Variants in ADH1C observed in about 807,000 individuals in gnomAD.
The protein encoded by ADH1C is alcohol dehydrogenase 1C (class I), gamma polypeptide.
A neutral mutation model predicts 35.0 loss-of-function variants in ADH1C; 26 were observed. The ratio of observed to expected loss-of-function variants is 0.74; its 90% CI spans 0.54 to 1.03. The LOEUF is 1.03. ADH1C is among the 50% of genes least tolerant of loss of function. The pLI, the probability that ADH1C is intolerant of heterozygous loss-of-function variation, is 0.00. For synonymous variants in ADH1C, 170 were observed against 169.3 expected (o/e 1.00, Z -0.03); for missense variants, 413 against 465.4 (o/e 0.89, Z 1.04).
chr4:99,348,000 T>A (rs1472280325), intron 1 of ADH1C, among the ~76,000 whole-genome samples, 154 bp from the exon 2 acceptor site: 3 of 152,188 alleles, frequency 2.0e-5, no homozygotes, highest in Admixed American at 2.0e-4. Flanking sequence ...ATAAAGAGAA[T>A]AAGAGTATCT....
chr4:99,344,865 G>T lies in ADH1C; in HGVS notation c.564C>A (p.Ala188=), dbSNP rs745776463. ...TATCATCCATTGTCATTTCTACCTT[G>T]GCAACTTTGACTGCAGACCCATAAC... ...STGYGSAVKV[A]KVTPGSTCAV... The change falls in exon 5 of 9, where the codon GCC becomes GCA. Residue 188 remains alanine, a synonymous_variant. Transcript: ENST00000515683. 2 of 1,613,964 alleles carry T rather than the reference G, an allele frequency of 1.2e-6. No homozygotes were observed. The highest frequency in any genetic ancestry group is 3.3e-5 in the Admixed American group (2 of 60,012).
At chr4:99,351,025 C>G (rs1256850310) in intron 1 of ADH1C, 3 of 152,154 alleles carry the variant, frequency 2.0e-5, no homozygotes, top group Admixed American at 2.0e-4. Flanking sequence ...GTAAACTCAG[C>G]TACTTGTGAG....
chr4:99,349,680 C>T (rs1734629433), intron 1 of ADH1C, among the ~76,000 whole-genome samples: 1 of 152,156 alleles, frequency 6.6e-6, no homozygotes, highest in Admixed American at 6.6e-5. Flanking sequence ...TTGTCTCAAA[C>T]ACCCATTTGA....
chr4:99,342,687 C>T, intron 6 of ADH1C, 108 bp downstream of exon 6: 1 of 1,506,058 alleles, frequency 6.6e-7, no homozygotes, highest in Non-Finnish European at 9.0e-7. Context: ...CGGGAAATTT[C>T]CATTCATCAT....
intron 4 of ADH1C, 26 bp downstream of exon 4, chr4:99,345,153 G>C (rs1734501948): frequency 6.2e-7 from 1 of 1,613,712 alleles, no homozygotes; most frequent in Non-Finnish European, 8.5e-7. Context: ...CTCAAAGTCT[G>C]TGCAAAGAAA....
chr4:99,352,128 T>A (rs1422295563), intron 1 of ADH1C, among the ~76,000 whole-genome samples: 1 of 152,210 alleles, frequency 6.6e-6, no homozygotes, highest in South Asian at 2.1e-4. Context: ...GTGAGATCAA[T>A]GAGTATTTTG....
intron 1 of ADH1C, among the ~76,000 whole-genome samples, chr4:99,350,269 T>G (rs747112659): frequency 2.7e-5 from 4 of 150,612 alleles, no homozygotes; most frequent in Non-Finnish European, 4.4e-5. Flanking sequence ...TTTTTAAAAT[T>G]TATTTATTTT....
At chr4:99,347,954 T>C in intron 1 of ADH1C, 108 bp from the exon 2 acceptor site, 1 of 1,255,240 alleles carries the variant, frequency 8.0e-7, no homozygotes, top group Non-Finnish European at 1.1e-6. Flanking sequence ...GTCTGGCACC[T>C]AACAAGTGTT....
chr4:99,337,821 AT>A (rs1734312727), intron 8 of ADH1C, among the ~76,000 whole-genome samples: 1 of 151,980 alleles, frequency 6.6e-6, no homozygotes, highest in Non-Finnish European at 1.5e-5. Flanking sequence ...TATATGATTT[AT>A]TTTATGAGTT....
chr4:99,342,850 A>G lies in ADH1C; in HGVS notation c.773T>C (p.Met258Thr). The G allele has an allele frequency of 1.2e-6, 2 of 1,614,000 alleles. No individual in the cohort carries two copies. The highest frequency in any genetic ancestry group is 1.7e-6 in the Non-Finnish European group (2 of 1,179,892). The stretch of plus-strand genomic sequence containing the variant: ...CGAAAAATCCACACCTCCATCAGTC[A>G]TTTCCTTTAGCACTTCCTGAATGGG... ...KKPIQEVLKE[M>T]TDGGVDFSFE... Residue 258 changes from methionine (M) to threonine (T), a missense_variant, in exon 6 of 9, where the codon ATG becomes ACG. By Grantham distance (81) the Met-to-Thr change is moderately conservative. Coordinates refer to ENST00000515683, the MANE Select transcript of ADH1C (RefSeq NM_000669.5).
intron 3 of ADH1C, 149 bp from the exon 4 acceptor site, chr4:99,345,415 C>T: frequency 1.2e-6 from 1 of 864,730 alleles, no homozygotes; most frequent in South Asian, 1.9e-5. Context: ...TTTGTCATTG[C>T]CTGCCAAGGC....
chr4:99,339,426 C>T, intron 8 of ADH1C, 151 bp downstream of exon 8: 1 of 680,474 alleles, frequency 1.5e-6, no homozygotes. Flanking sequence ...TACATGTGCT[C>T]CATGCAAAGA....
At chr4:99,345,297 A>T in intron 3 of ADH1C, 31 bp from the exon 4 acceptor site, 3 of 1,584,356 alleles carry the variant, frequency 1.9e-6, no homozygotes, top group Non-Finnish European at 2.6e-6. Context: ...TTCTTCTTAA[A>T]TTTCTATGCA....
chr4:99,340,283 G>A (rs1734381362), intron 7 of ADH1C, among the ~76,000 whole-genome samples: 1 of 152,018 alleles, frequency 6.6e-6, no homozygotes, highest in African/African-American at 2.4e-5. Flanking sequence ...GCACAGTGGT[G>A]CATGCCTGTA....
chr4:99,338,166 AT>A (rs1734319988), intron 8 of ADH1C, among the ~76,000 whole-genome samples: 1 of 151,332 alleles, frequency 6.6e-6, no homozygotes, highest in African/African-American at 2.4e-5. Flanking sequence ...ACCAATATTG[AT>A]ATCACAATTT....
At chr4:99,347,278 A>T (rs758612030) in intron 2 of ADH1C, 134 bp from the exon 3 acceptor site, 193 of 1,089,922 alleles carry the variant, frequency 1.8e-4, no homozygotes, top group Middle Eastern at 1.5e-3. Flanking sequence ...ACTATTCCCA[A>T]ATATGAAAGA....
chr4:99,345,253 G>T lies in ADH1C; in HGVS notation c.273C>A (p.Ile91=), dbSNP rs763747241. Residue 91 remains isoleucine (I), a synonymous_variant, in exon 4 of 9, where the codon ATC becomes ATA. Coordinates refer to ENST00000515683, the MANE Select transcript of ADH1C (RefSeq NM_000669.5). The part of the protein sequence containing the change: ...VTTVKPGDKV[I]PLFTPQCGKC... ...TTCCACACTGAGGAGTAAAGAGCGGGATGACTTTATCACCTGCAGAGGAAT... is the reference window on the plus strand; with the variant it reads ...TTCCACACTGAGGAGTAAAGAGCGGTATGACTTTATCACCTGCAGAGGAAT... 4.3e-6 allele frequency: 7 copies of T among 1,613,708 alleles called. No homozygotes were observed. The highest frequency in any genetic ancestry group is 5.9e-6 in the Non-Finnish European group (7 of 1,179,808).
At chr4:99,351,474 A>T (rs890394228) in intron 1 of ADH1C, among the ~76,000 whole-genome samples, 3 of 152,210 alleles carry the variant, frequency 2.0e-5, no homozygotes, top group Non-Finnish European at 4.4e-5. Context: ...TATTTTCATT[A>T]ATGATTGGTT....
intron 5 of ADH1C, 26 bp from the exon 6 acceptor site, chr4:99,343,081 G>A: frequency 6.2e-7 from 1 of 1,605,848 alleles, no homozygotes; most frequent in Non-Finnish European, 8.5e-7. Flanking sequence ...ATGCAAAAAT[G>A]AATTAAATAA....
Sources: allele counts gnomAD v4.1 joint callset (sites outside exome capture counted in the v4.1 genomes callset), GRCh38; gene constraint gnomAD v4.1.1; transcripts MANE v1.5; gene names NCBI Gene and HGNC (gene_info 2026-07-23, HGNC 2026-07-21).